FSTL4: variants seen among roughly 807,000 people sequenced by gnomAD.
The protein encoded by FSTL4 is follistatin like 4, also known as follistatin-related protein 4.
Under a neutral mutation model 78.2 loss-of-function variants are expected in FSTL4, and 28 were observed. That is an observed-to-expected ratio of 0.36 (90% confidence interval 0.27 to 0.49). The LOEUF is 0.49. Among genes scored for constraint, FSTL4 ranks in the 20% least tolerant of loss-of-function variants. The pLI, the probability that FSTL4 is intolerant of heterozygous loss-of-function variation, is 0.98. For synonymous variants in FSTL4, 422 were observed against 440.5 expected, an observed-to-expected ratio of 0.96 and a Z score of 0.53; for missense variants, 922 against 1,084.9, an observed-to-expected ratio of 0.85 and a Z score of 2.11.
intron 3 of FSTL4, among the ~76,000 whole-genome samples, chr5:133,495,795 C>T (rs1195387904): frequency 6.6e-6 from 1 of 152,204 alleles, no homozygotes; most frequent in Non-Finnish European, 1.5e-5. Context: ...CAAAATCTGT[C>T]TCTGAGAGCT....
At chr5:133,517,645 G>C (rs1758892911) in intron 3 of FSTL4, among the ~76,000 whole-genome samples, 2 of 150,736 alleles carry the variant, frequency 1.3e-5, no homozygotes, top group African/African-American at 4.9e-5. Flanking sequence ...GGGTGATTGA[G>C]AGAGAGGGAG....
chr5:133,515,251 G>C (rs1758829563), intron 3 of FSTL4, among the ~76,000 whole-genome samples: 1 of 152,120 alleles, frequency 6.6e-6, no homozygotes, highest in Admixed American at 6.6e-5. Context: ...ACAGGGCTAG[G>C]CATGGTGGCT....
chr5:133,724,625 T>C, the FSTL4 span, among the ~76,000 whole-genome samples: 3 of 152,216 alleles, frequency 2.0e-5, no homozygotes, highest in African/African-American at 7.2e-5. Flanking sequence ...AAATACAAAA[T>C]CTTTTTCAGA....
At chr5:133,812,187 C>T in the FSTL4 span, among the ~76,000 whole-genome samples, 4 of 152,182 alleles carry the variant, frequency 2.6e-5, no homozygotes, top group African/African-American at 4.8e-5. Context: ...ACTTCCACTG[C>T]GTCATCCTTG....
chr5:133,501,659 A>AT (rs1281697140), intron 3 of FSTL4, among the ~76,000 whole-genome samples: 2 of 152,206 alleles, frequency 1.3e-5, no homozygotes, highest in African/African-American at 4.8e-5. Context: ...CCAATATTCC[A>AT]TGCCGTAACC....
the FSTL4 span, among the ~76,000 whole-genome samples, chr5:133,811,811 G>A: frequency 1.3e-5 from 2 of 152,122 alleles, no homozygotes; most frequent in African/African-American, 4.8e-5. Flanking sequence ...TGTCACATAG[G>A]TGCCCATGGC....
At chr5:133,238,608 A>C (rs1751732476) in intron 7 of FSTL4, among the ~76,000 whole-genome samples, 1 of 152,246 alleles carries the variant, frequency 6.6e-6, no homozygotes, top group African/African-American at 2.4e-5. Context: ...ACACACAGGC[A>C]TCCACATGGA....
At chr5:133,435,837 C>T (rs1452702072) in intron 3 of FSTL4, among the ~76,000 whole-genome samples, 1 of 152,196 alleles carries the variant, frequency 6.6e-6, no homozygotes, top group Non-Finnish European at 1.5e-5. Flanking sequence ...ATCCCTTTTT[C>T]TCATTTAGTG....
At chr5:133,425,891 C>T (rs1303038264) in intron 3 of FSTL4, among the ~76,000 whole-genome samples, 1 of 152,144 alleles carries the variant, frequency 6.6e-6, no homozygotes, top group Non-Finnish European at 1.5e-5. Context: ...TGGCTGGGTC[C>T]AAAGGGAGAA....
chr5:133,412,320 A>C (rs1233320171), intron 3 of FSTL4, among the ~76,000 whole-genome samples: 1 of 152,148 alleles, frequency 6.6e-6, no homozygotes, highest in Non-Finnish European at 1.5e-5. Context: ...GTGACTGCAG[A>C]TTTGGCAATA....
At chr5:133,819,266 G>A in the FSTL4 span, among the ~76,000 whole-genome samples, 1 of 152,012 alleles carries the variant, frequency 6.6e-6, no homozygotes, top group African/African-American at 2.4e-5. Context: ...GCCTGGGCAA[G>A]GGACAGGAAC....
intron 3 of FSTL4, among the ~76,000 whole-genome samples, chr5:133,471,363 A>G (rs1355000937): frequency 1.3e-5 from 2 of 152,138 alleles, no homozygotes; most frequent in South Asian, 2.1e-4. Flanking sequence ...TCTGGTCCCA[A>G]TGCTGTGTCC....
intron 6 of FSTL4, among the ~76,000 whole-genome samples, chr5:133,294,920 C>T (rs1753353767): frequency 6.6e-6 from 1 of 152,202 alleles, no homozygotes; most frequent in Non-Finnish European, 1.5e-5. Context: ...TGACAACCCT[C>T]CAGCCCTGGT....
At chr5:133,637,038 G>C in the FSTL4 span, among the ~76,000 whole-genome samples, 1 of 152,178 alleles carries the variant, frequency 6.6e-6, no homozygotes, top group African/African-American at 2.4e-5. Flanking sequence ...ATAGTAAAAG[G>C]CAAGGTCAAA....
chr5:133,250,624 T>C (rs775533501), intron 6 of FSTL4, among the ~76,000 whole-genome samples: 23 of 152,264 alleles, frequency 1.5e-4, no homozygotes, highest in Non-Finnish European at 3.1e-4. Flanking sequence ...GCGGGACGCT[T>C]GTGAGCTGTG....
At chr5:133,487,072 G>A (rs151246784) in intron 3 of FSTL4, among the ~76,000 whole-genome samples, 15 of 152,292 alleles carry the variant, frequency 9.8e-5, no homozygotes, top group Non-Finnish European at 1.8e-4. Flanking sequence ...TGTATCTGGG[G>A]GTAGTGGGTC....
chr5:133,703,526 G>A, the FSTL4 span, among the ~76,000 whole-genome samples: 2 of 152,154 alleles, frequency 1.3e-5, no homozygotes, highest in Admixed American at 6.5e-5. Flanking sequence ...GGTTCTTTGC[G>A]AGACACTTCC....
intron 3 of FSTL4, among the ~76,000 whole-genome samples, chr5:133,535,211 CT>C (rs1252602008): frequency 6.6e-6 from 1 of 152,224 alleles, no homozygotes; most frequent in Non-Finnish European, 1.5e-5. Flanking sequence ...TGATCTTGGA[CT>C]TTGCAGCCTT....
At chr5:133,776,907 T>A in the FSTL4 span, among the ~76,000 whole-genome samples, 1 of 152,168 alleles carries the variant, frequency 6.6e-6, no homozygotes, top group African/African-American at 2.4e-5. Flanking sequence ...TGACTTGGCT[T>A]ACCCACCTCT....
Sources: gnomAD v4.1 joint callset for allele counts (sites outside exome capture counted in the v4.1 genomes callset) on GRCh38, gnomAD v4.1.1 for gene constraint, MANE v1.5 for transcripts, NCBI Gene and HGNC (gene_info 2026-07-23, HGNC 2026-07-21) for gene names.